Variants in KSR2 observed in about 807,000 individuals in gnomAD.
The protein encoded by KSR2 is kinase suppressor of ras 2.
Under a neutral mutation model 107.8 loss-of-function variants are expected in KSR2, and 25 were observed. The observed-to-expected ratio is 0.23, with a 90% confidence interval of 0.17 to 0.32. KSR2 has a LOEUF of 0.32. KSR2 is among the 10% of genes least tolerant of loss of function. The pLI is 1.00. For synonymous variants in KSR2, 480 were observed against 507.0 expected (o/e 0.95, Z 0.71); for missense variants, 887 against 1,268.9 (o/e 0.70, Z 4.57).
intron 5 of KSR2, among the ~76,000 whole-genome samples, chr12:117,625,495 T>C (rs77628806): frequency 6.6e-6 from 1 of 152,234 alleles, no homozygotes; most frequent in Non-Finnish European, 1.5e-5. Context: ...GCTTATGTGA[T>C]GGATTGCATT....
intron 1 of KSR2, among the ~76,000 whole-genome samples, chr12:117,886,124 A>G (rs1412210541): frequency 6.6e-6 from 1 of 151,532 alleles, no homozygotes; most frequent in Non-Finnish European, 1.5e-5. Flanking sequence ...CACATTCTGC[A>G]CAAGTATCTG....
intron 10 of KSR2, chr12:117,539,480 A>C (rs1876305675): frequency 2.2e-6 from 1 of 460,686 alleles, no homozygotes; most frequent in African/African-American, 2.0e-5. Context: ...TTCATCTGTA[A>C]AATGAGCTGA....
intron 12 of KSR2, among the ~76,000 whole-genome samples, chr12:117,528,121 C>CAA (rs1875348758): frequency 6.6e-6 from 1 of 151,918 alleles, no homozygotes; most frequent in Non-Finnish European, 1.5e-5. Flanking sequence ...GTGCTTTGTG[C>CAA]AGGGTTGTCT....
intron 1 of KSR2, among the ~76,000 whole-genome samples, chr12:117,898,297 G>A (rs984921428): frequency 2.0e-5 from 3 of 152,052 alleles, no homozygotes; most frequent in African/African-American, 7.2e-5. Flanking sequence ...TAGGAAAACA[G>A]GAGGTTTTTA....
intron 14 of KSR2, among the ~76,000 whole-genome samples, chr12:117,496,055 A>T (rs1323214110): frequency 2.1e-5 from 1 of 48,164 alleles, no homozygotes; most frequent in Admixed American, 1.7e-4. Context: ...TCCGTCTCAA[A>T]AAAAAAAAAA....
At chr12:117,740,477 TA>T (rs200473564) in intron 4 of KSR2, among the ~76,000 whole-genome samples, 7,152 of 102,438 alleles carry the variant, frequency 0.07, 256 homozygotes, top group South Asian at 0.13. Context: ...ATGTAATATA[TA>T]ACATATAATA....
chr12:117,813,805 C>T (rs1338185918), intron 3 of KSR2, among the ~76,000 whole-genome samples: 1 of 152,158 alleles, frequency 6.6e-6, no homozygotes, highest in African/African-American at 2.4e-5. Context: ...ACCAGCTTAT[C>T]AAAGAGATGG....
At chr12:117,927,577 C>T (rs141459788) in intron 1 of KSR2, among the ~76,000 whole-genome samples, 318 of 151,966 alleles carry the variant, frequency 2.1e-3, no homozygotes, top group Admixed American at 5.8e-3. Context: ...CCTGTAATCC[C>T]ATTTACTCGG....
At chr12:117,482,124 A>G (rs1872208717) in intron 16 of KSR2, among the ~76,000 whole-genome samples, 1 of 152,000 alleles carries the variant, frequency 6.6e-6, no homozygotes, top group African/African-American at 2.4e-5. Context: ...AAGTTTGACT[A>G]CCCTGAGACT....
intron 4 of KSR2, among the ~76,000 whole-genome samples, chr12:117,730,418 A>ATCCCTC (rs755681186): frequency 1.3e-5 from 2 of 151,286 alleles, no homozygotes; most frequent in Non-Finnish European, 1.5e-5. Flanking sequence ...TAAAAGTGAA[A>ATCCCTC]TCCCTCTCCC....
chr12:117,879,820 A>T (rs1386981898), intron 1 of KSR2, among the ~76,000 whole-genome samples: 1 of 152,276 alleles, frequency 6.6e-6, no homozygotes, highest in Non-Finnish European at 1.5e-5. Context: ...CACACATTAT[A>T]TAAAATCTCC....
intron 4 of KSR2, among the ~76,000 whole-genome samples, chr12:117,704,567 C>T (rs1483481379): frequency 6.6e-6 from 1 of 152,050 alleles, no homozygotes; most frequent in Non-Finnish European, 1.5e-5. Flanking sequence ...AAGCTCAAGA[C>T]ATAATGAAGG....
At chr12:117,555,983 T>TTG (rs1877667488) in intron 8 of KSR2, among the ~76,000 whole-genome samples, 2 of 141,142 alleles carry the variant, frequency 1.4e-5, no homozygotes, top group African/African-American at 5.1e-5. Context: ...TGTTGTTGTT[T>TTG]TATTGCAGCG....
chr12:117,672,946 A>G (rs1159033940), intron 4 of KSR2, among the ~76,000 whole-genome samples: 4 of 152,224 alleles, frequency 2.6e-5, no homozygotes, highest in Non-Finnish European at 5.9e-5. Context: ...ACAAACTTTC[A>G]ATCCACCATG....
At chr12:117,530,359 A>G (rs1169724188) in intron 12 of KSR2, among the ~76,000 whole-genome samples, 1 of 152,226 alleles carries the variant, frequency 6.6e-6, no homozygotes, top group African/African-American at 2.4e-5. Flanking sequence ...TGCAAGCCAT[A>G]CAGATTATGT....
intron 4 of KSR2, among the ~76,000 whole-genome samples, chr12:117,728,456 C>T (rs200762606): frequency 5.9e-5 from 9 of 152,188 alleles, no homozygotes; most frequent in East Asian, 1.9e-4. Context: ...TTGGCCCAGG[C>T]GGACATCCCA....
intron 3 of KSR2, among the ~76,000 whole-genome samples, chr12:117,851,740 A>T (rs2137208623): frequency 6.6e-6 from 1 of 152,052 alleles, no homozygotes; most frequent in African/African-American, 2.4e-5. Context: ...AAAATACAAA[A>T]ATTAGAGCAG....
At chr12:117,683,342 T>C (rs1885446558) in intron 4 of KSR2, among the ~76,000 whole-genome samples, 1 of 152,190 alleles carries the variant, frequency 6.6e-6, no homozygotes, top group Non-Finnish European at 1.5e-5. Context: ...ATTTTGATGA[T>C]ATTTCATTAT....
At chr12:117,739,098 G>A (rs1369821215) in intron 4 of KSR2, among the ~76,000 whole-genome samples, 8 of 152,232 alleles carry the variant, frequency 5.3e-5, no homozygotes, top group South Asian at 2.1e-4. Context: ...GCTCACGCCT[G>A]TAATCCCAGC....
Sources: allele counts gnomAD v4.1 joint callset (sites outside exome capture counted in the v4.1 genomes callset), GRCh38; gene constraint gnomAD v4.1.1; transcripts MANE v1.5; gene names NCBI Gene and HGNC (gene_info 2026-07-23, HGNC 2026-07-21).